GPR55: variants seen among roughly 807,000 people sequenced by gnomAD.
GPR55 encodes G protein-coupled receptor 55.
GPR55 carries 6 observed loss-of-function variants against 7.9 expected under a neutral mutation model. The ratio of observed to expected loss-of-function variants is 0.76; its 90% confidence interval spans 0.41 to 1.49. GPR55 has a LOEUF of 1.49. Ranked by LOEUF, GPR55 falls within the 40% of genes most tolerant of loss-of-function variation. The probability of loss-of-function intolerance (pLI) is 0.01; values close to 1 mark genes in which losing one functional copy is unlikely to be tolerated. For missense variants in GPR55, 376 were observed against 406.0 expected (o/e 0.93, Z 0.63); for synonymous variants, 183 against 166.8 (o/e 1.10, Z -0.75).
chr2:230,958,886 T>C (rs752151947), intron 1 of GPR55, among the ~76,000 whole-genome samples: 2 of 152,184 alleles, frequency 1.3e-5, no homozygotes, highest in African/African-American at 4.8e-5. Context: ...TCTATTTCTA[T>C]CATTCTTTCT....
intron 1 of GPR55, among the ~76,000 whole-genome samples, chr2:230,950,892 A>G (rs1010598161): frequency 7.9e-5 from 12 of 152,132 alleles, no homozygotes; most frequent in African/African-American, 2.9e-4. Flanking sequence ...GAACGCTGAC[A>G]TCATGAAGCT....
chr2:230,929,245 C>A (rs1157806177), upstream of GPR55, among the ~76,000 whole-genome samples: 1 of 152,106 alleles, frequency 6.6e-6, no homozygotes, highest in Non-Finnish European at 1.5e-5. Flanking sequence ...GAGCCTTTGC[C>A]AAGTCCCTGA....
At position 230,910,312 on chromosome 2, in the gene GPR55, G is replaced by A; in HGVS notation, c.651C>T (p.Asp217=). The change falls in exon 2 of 2, where the codon GAC becomes GAT. Residue 217 remains aspartate (D), a synonymous_variant. Coordinates refer to ENST00000650999, the MANE Select transcript of GPR55 (RefSeq NM_005683.4). This position sits in a 1 kb window ranked among gnomAD's most constrained non-coding sequence, Gnocchi z 5.4. ...ILLGRRDHTQ[D]WVQQKACIYS... is the part of the protein sequence containing the mutation. ...AGATGCAGGCTTTCTGCTGCACCCAGTCCTGGGTGTGGTCTCGGCGGCCCA... is the reference window on the plus strand; with the variant it reads ...AGATGCAGGCTTTCTGCTGCACCCAATCCTGGGTGTGGTCTCGGCGGCCCA... 1 of 1,614,024 alleles carries A rather than the reference G, an allele frequency of 6.2e-7. No homozygotes were observed.
At chr2:230,941,671 C>T (rs185125363) in intron 1 of GPR55, among the ~76,000 whole-genome samples, 2 of 152,166 alleles carry the variant, frequency 1.3e-5, no homozygotes, top group Non-Finnish European at 2.9e-5. Flanking sequence ...GGGTCACATC[C>T]GCAGTGACTC....
intron 1 of GPR55, among the ~76,000 whole-genome samples, chr2:230,938,604 G>A (rs1691170217): frequency 6.6e-6 from 1 of 152,216 alleles, no homozygotes; most frequent in African/African-American, 2.4e-5. Context: ...AATAAATGAA[G>A]ATCCCAGGTG....
chr2:230,946,411 T>C (rs1691318823), intron 1 of GPR55, among the ~76,000 whole-genome samples: 1 of 152,240 alleles, frequency 6.6e-6, no homozygotes, highest in African/African-American at 2.4e-5. Context: ...GATCGATGGA[T>C]GTGTTCATTA....
At chr2:230,949,733 A>G (rs1691370934) in intron 1 of GPR55, among the ~76,000 whole-genome samples, 1 of 152,176 alleles carries the variant, frequency 6.6e-6, no homozygotes. Context: ...GTGTGATACC[A>G]CAATAGACTG....
chr2:230,937,142 C>T (rs1418369934), intron 1 of GPR55, among the ~76,000 whole-genome samples: 1 of 151,952 alleles, frequency 6.6e-6, no homozygotes, highest in African/African-American at 2.4e-5. Flanking sequence ...TGGCTCACAC[C>T]TGTAATCCCA....
chr2:230,927,724 G>C (rs1046273610), upstream of GPR55, among the ~76,000 whole-genome samples: 1 of 152,224 alleles, frequency 6.6e-6, no homozygotes, highest in Non-Finnish European at 1.5e-5. Flanking sequence ...GCTTCTTCTA[G>C]GGCAAGGAAC....
Position 230,911,051 on chromosome 2 carries a change from A to ACCC in GPR55, c.-90_-89insGGG. On this transcript the variant is annotated 5_prime_UTR_variant, in exon 2 of 2. Transcript: ENST00000650999. ...CAAATGACTTTGTCAAGAATCACAA[A>ACCC]CACCTCCCCAGCATCACACAGCAAT... The ACCC allele has an allele frequency of 7.6e-7, 1 of 1,320,866 alleles. No homozygotes were observed. The highest frequency in any genetic ancestry group is 1.0e-6 in the Non-Finnish European group (1 of 952,710). The allele number at this position is 1,320,866 out of a possible 1,614,324, so 81.8% of individuals were successfully genotyped here. A position where few individuals can be genotyped will look rare whatever the true frequency, so the allele number is the denominator to read the frequency against.
chr2:230,914,589 G>A (rs1426425283), intron 1 of GPR55, among the ~76,000 whole-genome samples: 6 of 148,588 alleles, frequency 4.0e-5, no homozygotes, highest in Admixed American at 1.3e-4. Context: ...ACGGCAGCAA[G>A]AGATGAAACA....
At chr2:230,951,000 C>T (rs1407858773) in intron 1 of GPR55, among the ~76,000 whole-genome samples, 1 of 152,204 alleles carries the variant, frequency 6.6e-6, no homozygotes, top group Admixed American at 6.5e-5. Flanking sequence ...CTATACCTTG[C>T]CCTGTGCATC....
intron 1 of GPR55, among the ~76,000 whole-genome samples, chr2:230,950,339 TG>T (rs776219626): frequency 4.6e-5 from 7 of 152,238 alleles, no homozygotes; most frequent in Non-Finnish European, 8.8e-5. Flanking sequence ...CTCCCAGGCA[TG>T]GCACCCAGGA....
chr2:230,922,041 G>A (rs1165796399), intron 1 of GPR55, among the ~76,000 whole-genome samples: 3 of 150,024 alleles, frequency 2.0e-5, no homozygotes, highest in Admixed American at 2.0e-4. Flanking sequence ...GTCATGTGGA[G>A]GGCTCTCTGT....
Position 230,959,901 on chromosome 2 carries a change from T to C in GPR55, c.-135+874A>G, listed in dbSNP as rs545261854. Among the ~76,000 whole-genome samples the C allele has an allele frequency of 5.9e-5, 9 of 151,738 alleles. No homozygotes were observed. The South Asian group carries it at 8.3e-4, about 14-fold the overall frequency. ...ACATGCATTGGTTTTGTGAGACAGA[T>C]ATATGAAGTGTTTTTAAAGAGAAAT... On this transcript the variant is annotated intron_variant, in intron 1 of 1. Coordinates refer to the GPR55 transcript ENST00000392039.
intron 1 of GPR55, among the ~76,000 whole-genome samples, chr2:230,941,231 C>G (rs1286112164): frequency 6.6e-6 from 1 of 152,220 alleles, no homozygotes; most frequent in Admixed American, 6.5e-5. Flanking sequence ...ACGGCCACTC[C>G]CAGGGAGGCT....
intron 1 of GPR55, among the ~76,000 whole-genome samples, chr2:230,955,630 GAGA>G (rs1691471104): frequency 6.6e-6 from 1 of 152,238 alleles, no homozygotes; most frequent in African/African-American, 2.4e-5. Flanking sequence ...TTCAAATGTA[GAGA>G]AGGATTACAC....
intron 1 of GPR55, among the ~76,000 whole-genome samples, chr2:230,930,330 T>G (rs961604501): frequency 1.3e-5 from 2 of 152,246 alleles, no homozygotes; most frequent in Admixed American, 1.3e-4. Context: ...TATTCTGTTT[T>G]CCACTTTAGC....
chr2:230,936,118 G>C (rs1224180685), intron 1 of GPR55, among the ~76,000 whole-genome samples: 3 of 152,174 alleles, frequency 2.0e-5, no homozygotes, highest in African/African-American at 4.8e-5. Context: ...GTTAGTCAGG[G>C]GTAGGAGAAT....
Sources: allele counts gnomAD v4.1 joint callset (sites outside exome capture counted in the v4.1 genomes callset), GRCh38; gene constraint gnomAD v4.1.1; non-coding constraint Gnocchi (gnomAD v3.1); transcripts MANE v1.5; gene names NCBI Gene and HGNC (gene_info 2026-07-23, HGNC 2026-07-21).